COP1: variants seen among roughly 807,000 people sequenced by gnomAD.
The protein encoded by COP1 is E3 ubiquitin-protein ligase COP1.
A neutral mutation model predicts 101.3 loss-of-function variants in COP1; 24 were observed. The observed-to-expected ratio is 0.24, with a 90% confidence interval of 0.17 to 0.33. The LOEUF (loss-of-function observed/expected upper bound fraction) is 0.33. Among genes scored for constraint, COP1 ranks in the 10% least tolerant of loss-of-function variants. The pLI is 1.00. For missense variants in COP1, 663 were observed against 906.2 expected (o/e 0.73, Z 3.45); for synonymous variants, 347 against 341.9 (o/e 1.01, Z -0.17).
intron 6 of COP1, among the ~76,000 whole-genome samples, chr1:176,137,454 C>G (rs547405521): frequency 9.2e-5 from 14 of 152,114 alleles, no homozygotes; most frequent in Non-Finnish European, 1.8e-4. Flanking sequence ...AAACACTATA[C>G]CAATTTAAAT....
intron 3 of COP1, among the ~76,000 whole-genome samples, chr1:176,171,949 A>G (rs1696139534): frequency 6.6e-6 from 1 of 152,228 alleles, no homozygotes; most frequent in Non-Finnish European, 1.5e-5. Context: ...ACAAATCACT[A>G]TGACATTTAG....
chr1:176,043,636 G>A, intron 13 of COP1, 74 bp downstream of exon 13: 1 of 838,418 alleles, frequency 1.2e-6, no homozygotes, highest in South Asian at 1.5e-5. Context: ...TAATTATAAG[G>A]CACATGAAGT....
chr1:176,030,242 C>T (rs932195011), intron 14 of COP1, among the ~76,000 whole-genome samples: 8 of 152,102 alleles, frequency 5.3e-5, no homozygotes, highest in African/African-American at 7.2e-5. Flanking sequence ...TGGTCAATCA[C>T]GACATACAAT....
intron 15 of COP1, among the ~76,000 whole-genome samples, chr1:175,998,394 T>G (rs1208365328): frequency 6.7e-6 from 1 of 149,990 alleles, no homozygotes; most frequent in South Asian, 2.1e-4. Flanking sequence ...CACACCAGCA[T>G]GGCACATGTA....
intron 8 of COP1, among the ~76,000 whole-genome samples, chr1:176,120,231 G>A (rs1194008206): frequency 6.6e-6 from 1 of 152,028 alleles, no homozygotes; most frequent in African/African-American, 2.4e-5. Flanking sequence ...GACCAGCCTG[G>A]CCAACATGGT....
intron 8 of COP1, among the ~76,000 whole-genome samples, chr1:176,118,921 G>A (rs777765320): frequency 1.2e-4 from 18 of 152,056 alleles, no homozygotes; most frequent in Non-Finnish European, 1.6e-4. Flanking sequence ...AAAATATTAC[G>A]TATCAATGAA....
At chr1:176,190,274 C>A (rs981704131) in intron 1 of COP1, among the ~76,000 whole-genome samples, 2 of 151,906 alleles carry the variant, frequency 1.3e-5, no homozygotes, top group Non-Finnish European at 2.9e-5. Context: ...ATTTTCTTTG[C>A]GTGTCATGGT....
chr1:176,184,508 C>T (rs1698211986), intron 2 of COP1, 125 bp downstream of exon 2: 2 of 713,772 alleles, frequency 2.8e-6, no homozygotes, highest in East Asian at 5.2e-5. Context: ...AAAGACATGT[C>T]AAGAAAAAAA....
intron 5 of COP1, among the ~76,000 whole-genome samples, chr1:176,150,609 T>G (rs1692266921): frequency 6.6e-6 from 1 of 152,214 alleles, no homozygotes; most frequent in Non-Finnish European, 1.5e-5. Flanking sequence ...GACCACATGT[T>G]TATTTAAAAA....
intron 11 of COP1, among the ~76,000 whole-genome samples, chr1:176,051,816 A>G (rs1244672448): frequency 6.6e-6 from 1 of 152,180 alleles, no homozygotes; most frequent in Non-Finnish European, 1.5e-5. Context: ...AAAAATTAAA[A>G]TTAAATTTTA....
rs552998094 is a variant in COP1, at chr1:176,043,408, A to G, written c.1531-141T>C. On this transcript the variant is annotated intron_variant, in intron 13 of 19. Transcript: ENST00000367669. ...AGGCTAGAAAACAAATGAAAAGCAA[A>G]TAAGATGTTGATATAAAGTACTTCC... The G allele has an allele frequency of 3.4e-4, 202 of 588,294 alleles. 1 individual carries two copies. The South Asian group carries it at 3.8e-3, about 11-fold the overall frequency. The allele number at this position is 588,294 out of a possible 1,614,324, so 36.4% of individuals were successfully genotyped here. A position where few individuals can be genotyped will look rare whatever the true frequency, so the allele number is the denominator to read the frequency against.
chr1:175,990,619 T>G (rs1658176470), intron 15 of COP1, among the ~76,000 whole-genome samples: 1 of 152,208 alleles, frequency 6.6e-6, no homozygotes, highest in African/African-American at 2.4e-5. Flanking sequence ...GTTTTTCCCT[T>G]AAATATCACA....
intron 15 of COP1, among the ~76,000 whole-genome samples, chr1:176,001,518 A>G (rs1661594856): frequency 2.0e-5 from 3 of 152,146 alleles, no homozygotes; most frequent in Admixed American, 2.0e-4. Context: ...AAATAATAAT[A>G]AAAGCGAGAT....
intron 11 of COP1, among the ~76,000 whole-genome samples, chr1:176,065,394 CAT>C (rs1280829316): frequency 6.6e-6 from 1 of 152,192 alleles, no homozygotes; most frequent in African/African-American, 2.4e-5. Context: ...GGGAAGTTAT[CAT>C]ACCTAGGACA....
intron 11 of COP1, among the ~76,000 whole-genome samples, chr1:176,061,996 A>T (rs1281816467): frequency 6.6e-6 from 1 of 151,234 alleles, no homozygotes; most frequent in Non-Finnish European, 1.5e-5. Flanking sequence ...GAAAGACCTG[A>T]TTATTATTAT....
intron 15 of COP1, among the ~76,000 whole-genome samples, chr1:175,997,727 A>G (rs1207727631): frequency 1.3e-5 from 2 of 152,208 alleles, no homozygotes; most frequent in Non-Finnish European, 2.9e-5. Flanking sequence ...TAGAATGGCA[A>G]TCATTAAAAA....
At chr1:176,114,578 C>CT (rs1174451294) in intron 9 of COP1, among the ~76,000 whole-genome samples, 2 of 145,136 alleles carry the variant, frequency 1.4e-5, no homozygotes, top group African/African-American at 2.6e-5. Context: ...TAGGGTAATT[C>CT]TTTTTTTTGC....
At chr1:176,143,123 C>CGAGAGAGAGAGAGAGA (rs71129558) in intron 6 of COP1, among the ~76,000 whole-genome samples, 9,262 of 146,642 alleles carry the variant, frequency 0.063, 401 homozygotes, top group Non-Finnish European at 0.084. Flanking sequence ...ACAGAACAAG[C>CGAGAGAGAGAGAGAGA]GAGAGAGAGA....
chr1:175,971,737 C>G (rs1653281076), intron 18 of COP1, among the ~76,000 whole-genome samples: 1 of 152,182 alleles, frequency 6.6e-6, no homozygotes, highest in Non-Finnish European at 1.5e-5. Context: ...GGAGGCAGAT[C>G]TTTGACTCCA....
Sources: gnomAD v4.1 joint callset for allele counts (sites outside exome capture counted in the v4.1 genomes callset) on GRCh38, gnomAD v4.1.1 for gene constraint, MANE v1.5 for transcripts, NCBI Gene and HGNC (gene_info 2026-07-23, HGNC 2026-07-21) for gene names.